ANKS1B: variants seen among roughly 807,000 people sequenced by gnomAD.
ANKS1B encodes the protein ankyrin repeat and sterile alpha motif domain-containing protein 1B.
ANKS1B carries 36 observed loss-of-function variants against 148.3 expected under a neutral mutation model. The observed-to-expected ratio is 0.24, with a 90% CI of 0.19 to 0.32. The LOEUF (loss-of-function observed/expected upper bound fraction) is 0.32. ANKS1B is among the 10% of genes least tolerant of loss of function. The pLI is 1.00. For missense variants in ANKS1B, 1,157 were observed against 1,542.6 expected (o/e 0.75, Z 4.19); for synonymous variants, 542 against 560.8 (o/e 0.97, Z 0.47).
At chr12:99,241,210 G>T (rs2089246849) in intron 14 of ANKS1B, among the ~76,000 whole-genome samples, 1 of 152,160 alleles carries the variant, frequency 6.6e-6, no homozygotes, top group African/African-American at 2.4e-5. Flanking sequence ...AAATGATAAA[G>T]GGGATATCAC....
intron 14 of ANKS1B, among the ~76,000 whole-genome samples, chr12:99,186,348 A>G (rs551839691): frequency 1.6e-4 from 25 of 152,178 alleles, no homozygotes; most frequent in Non-Finnish European, 3.4e-4. Context: ...GCCAGCGCTG[A>G]AGAGAGCAGC....
intron 1 of ANKS1B, among the ~76,000 whole-genome samples, chr12:99,883,617 A>AG (rs1565922619): frequency 2.1e-5 from 3 of 143,978 alleles, no homozygotes; most frequent in African/African-American, 7.7e-5. Context: ...GACTTGGGGC[A>AG]GGGGGGAATC....
intron 9 of ANKS1B, among the ~76,000 whole-genome samples, chr12:99,653,652 A>ATT (rs967168282): frequency 4.4e-5 from 6 of 136,520 alleles, no homozygotes; most frequent in Admixed American, 4.4e-4. Context: ...TAAAGAAGAC[A>ATT]TTTTTTTCTC....
intron 11 of ANKS1B, among the ~76,000 whole-genome samples, chr12:99,428,437 T>C (rs1327979373): frequency 6.6e-6 from 1 of 152,156 alleles, no homozygotes; most frequent in Non-Finnish European, 1.5e-5. Flanking sequence ...CAGGACCTGA[T>C]ATAATAACAA....
chr12:99,304,396 A>C (rs1385788941), intron 12 of ANKS1B, among the ~76,000 whole-genome samples: 3 of 152,070 alleles, frequency 2.0e-5, no homozygotes, highest in Admixed American at 2.0e-4. Context: ...CTCGTTCTCT[A>C]GTCTATTATA....
intron 11 of ANKS1B, among the ~76,000 whole-genome samples, chr12:99,420,631 T>C (rs1161891636): frequency 6.6e-6 from 1 of 152,226 alleles, no homozygotes; most frequent in African/African-American, 2.4e-5. Flanking sequence ...TGTCTTTTTT[T>C]CCTGACTCAT....
At chr12:99,730,783 C>T (rs922083603) in intron 8 of ANKS1B, among the ~76,000 whole-genome samples, 4 of 152,092 alleles carry the variant, frequency 2.6e-5, no homozygotes, top group African/African-American at 9.7e-5. Context: ...CTCAGTTCCC[C>T]ATAGAGTCTT....
intron 12 of ANKS1B, among the ~76,000 whole-genome samples, chr12:99,395,495 A>G (rs1360813702): frequency 6.6e-6 from 1 of 152,112 alleles, no homozygotes; most frequent in East Asian, 1.9e-4. Context: ...TGCACATCCA[A>G]TTACCATGAC....
chr12:99,917,481 T>C (rs1396991804), intron 1 of ANKS1B, among the ~76,000 whole-genome samples: 1 of 152,214 alleles, frequency 6.6e-6, no homozygotes, highest in Non-Finnish European at 1.5e-5. Context: ...GTCTGACCAA[T>C]AAGTACTGGC....
At chr12:99,981,359 T>C (rs1054387957) in intron 1 of ANKS1B, among the ~76,000 whole-genome samples, 2 of 152,038 alleles carry the variant, frequency 1.3e-5, no homozygotes, top group African/African-American at 2.4e-5. Flanking sequence ...CCCCATTACA[T>C]AGTTACTGTT....
chr12:99,216,506 A>T (rs1426330174), intron 14 of ANKS1B, among the ~76,000 whole-genome samples: 2 of 152,156 alleles, frequency 1.3e-5, no homozygotes, highest in Non-Finnish European at 1.5e-5. Context: ...TTTTTAAAAA[A>T]ATCTATAATT....
intron 9 of ANKS1B, among the ~76,000 whole-genome samples, chr12:99,626,555 A>C (rs539160582): frequency 1.3e-5 from 2 of 151,920 alleles, no homozygotes; most frequent in Admixed American, 6.6e-5. Flanking sequence ...TTTCCTCTCC[A>C]TCTTTACTTG....
chr12:99,138,794 G>A (rs578094413), intron 15 of ANKS1B, among the ~76,000 whole-genome samples: 6 of 151,902 alleles, frequency 3.9e-5, no homozygotes, highest in Non-Finnish European at 7.4e-5. Context: ...CCTTCACCCC[G>A]TTCTTTACTG....
At chr12:99,205,058 GC>G (rs200843421) in intron 14 of ANKS1B, among the ~76,000 whole-genome samples, 2 of 151,430 alleles carry the variant, frequency 1.3e-5, no homozygotes, top group East Asian at 1.9e-4. Flanking sequence ...CTTGTACCAG[GC>G]CCCCCCCAAA....
chr12:99,448,261 A>C (rs1189450933), intron 10 of ANKS1B, among the ~76,000 whole-genome samples: 7 of 152,146 alleles, frequency 4.6e-5, no homozygotes, highest in Non-Finnish European at 1.0e-4. Flanking sequence ...GTGGAATACT[A>C]TGCTGCCTTA....
At chr12:99,271,854 G>A (rs1424445345) in intron 12 of ANKS1B, among the ~76,000 whole-genome samples, 1 of 151,782 alleles carries the variant, frequency 6.6e-6, no homozygotes, top group Non-Finnish European at 1.5e-5. Flanking sequence ...GGTAACAGTT[G>A]ATTTTATTGA....
At chr12:99,307,717 T>C (rs2082549265) in intron 12 of ANKS1B, among the ~76,000 whole-genome samples, 1 of 151,764 alleles carries the variant, frequency 6.6e-6, no homozygotes, top group Non-Finnish European at 1.5e-5. Flanking sequence ...TGAATGTCTT[T>C]TTTTTTTTTC....
At chr12:99,675,544 A>G (rs2098558882) in intron 8 of ANKS1B, among the ~76,000 whole-genome samples, 1 of 151,864 alleles carries the variant, frequency 6.6e-6, no homozygotes, top group African/African-American at 2.4e-5. Context: ...ATAATGGCCT[A>G]TTTAAATTTT....
At chr12:99,214,668 T>G (rs991824881) in intron 14 of ANKS1B, among the ~76,000 whole-genome samples, 11 of 152,158 alleles carry the variant, frequency 7.2e-5, no homozygotes, top group Admixed American at 3.3e-4. Context: ...AATGGGCTAA[T>G]AAGAGTAAAC....
Sources: gnomAD v4.1 joint callset for allele counts (sites outside exome capture counted in the v4.1 genomes callset) on GRCh38, gnomAD v4.1.1 for gene constraint, MANE v1.5 for transcripts, NCBI Gene and HGNC (gene_info 2026-07-23, HGNC 2026-07-21) for gene names.